Variants in TNFAIP8 observed in about 807,000 individuals in gnomAD.
TNFAIP8 encodes the protein TNF alpha induced protein 8, also known as tumor necrosis factor alpha-induced protein 8.
A neutral mutation model predicts 13.3 loss-of-function variants in TNFAIP8; 7 were observed. That is an observed-to-expected ratio of 0.52 (90% CI 0.30 to 0.99). The LOEUF is 0.99. TNFAIP8 is among the 50% of genes least tolerant of loss of function. The pLI is 0.07. For synonymous variants in TNFAIP8, 94 were observed against 87.6 expected, an observed-to-expected ratio of 1.07 and a Z score of -0.41; for missense variants, 258 against 236.9, an observed-to-expected ratio of 1.09 and a Z score of -0.58.
intron 1 of TNFAIP8, among the ~76,000 whole-genome samples, chr5:119,372,131 C>T (rs1275784540): frequency 1.4e-5 from 2 of 147,550 alleles, no homozygotes; most frequent in Non-Finnish European, 3.0e-5. Flanking sequence ...AGCAAGACTC[C>T]ATCTCAAAAA....
At position 119,396,740 on chromosome 5, in the gene TNFAIP8, C is replaced by T. The variant is rs1753081555; in HGVS notation, c.*3359C>T. Reference sequence around the variant, plus strand: ...GGGTGCGGTGGCTTATGCTTGTAAGCCCAGAACTTTGGGAGGCGGAGGTGG... The same window carrying T: ...GGGTGCGGTGGCTTATGCTTGTAAGTCCAGAACTTTGGGAGGCGGAGGTGG... On this transcript the variant is annotated 3_prime_UTR_variant, in exon 2 of 2. Transcript: ENST00000504771. 1 of 151,986 alleles carries T rather than the reference C, an allele frequency of 6.6e-6. No homozygotes were observed. The highest frequency in any genetic ancestry group is 2.1e-4 in the South Asian group (1 of 4,828). The allele number at this position is 151,986 out of a possible 1,614,324, so 9.4% of individuals were successfully genotyped here.
chr5:119,277,271 T>C (rs1307941890), intron 1 of TNFAIP8, among the ~76,000 whole-genome samples: 6 of 152,218 alleles, frequency 3.9e-5, no homozygotes, highest in Non-Finnish European at 7.3e-5. Flanking sequence ...CTATGTATAA[T>C]CCCTACAAAT....
intron 1 of TNFAIP8, among the ~76,000 whole-genome samples, chr5:119,282,773 G>T (rs1020751644): frequency 2.0e-5 from 3 of 152,166 alleles, no homozygotes; most frequent in African/African-American, 4.8e-5. Flanking sequence ...CACCTGCCCA[G>T]ACAGGCCCTT....
At chr5:119,284,239 C>T (rs542342809) in intron 1 of TNFAIP8, among the ~76,000 whole-genome samples, 17 of 152,266 alleles carry the variant, frequency 1.1e-4, no homozygotes, top group African/African-American at 4.1e-4. Context: ...GTTCCTCTTG[C>T]AGGAACTATG....
At chr5:119,324,932 G>A (rs967887184) in intron 1 of TNFAIP8, among the ~76,000 whole-genome samples, 3 of 152,056 alleles carry the variant, frequency 2.0e-5, no homozygotes, top group Non-Finnish European at 2.9e-5. Flanking sequence ...TGCAAGATCG[G>A]TTTTAAAGAT....
At chr5:119,338,969 C>G (rs1750646961) in intron 1 of TNFAIP8, among the ~76,000 whole-genome samples, 1 of 152,050 alleles carries the variant, frequency 6.6e-6, no homozygotes, top group Non-Finnish European at 1.5e-5. Flanking sequence ...ATGTCTTGAG[C>G]CCAGGAATTT....
chr5:119,291,236 T>A (rs1748977917), intron 1 of TNFAIP8, among the ~76,000 whole-genome samples: 1 of 152,246 alleles, frequency 6.6e-6, no homozygotes, highest in South Asian at 2.1e-4. Context: ...TAGGGCCATG[T>A]CTTTATCTGT....
At chr5:119,336,611 G>T (rs1750558680) in intron 1 of TNFAIP8, among the ~76,000 whole-genome samples, 1 of 152,136 alleles carries the variant, frequency 6.6e-6, no homozygotes, top group Non-Finnish European at 1.5e-5. Flanking sequence ...TTTTCCCAAT[G>T]GTATTCTGCC....
chr5:119,365,814 A>G (rs890041591), intron 1 of TNFAIP8, among the ~76,000 whole-genome samples: 23 of 152,254 alleles, frequency 1.5e-4, no homozygotes, highest in African/African-American at 5.3e-4. Context: ...ATTCGACTCA[A>G]CATCTTCAGA....
chr5:119,332,651 G>A (rs1004443741), intron 1 of TNFAIP8, among the ~76,000 whole-genome samples: 1 of 152,212 alleles, frequency 6.6e-6, no homozygotes, highest in Non-Finnish European at 1.5e-5. Context: ...GCTAAAGGAA[G>A]AGATTGAGAT....
chr5:119,353,623 G>A (rs1352732130), upstream of TNFAIP8, among the ~76,000 whole-genome samples: 2 of 143,402 alleles, frequency 1.4e-5, no homozygotes, highest in Non-Finnish European at 3.1e-5. Context: ...AAAGATCAAC[G>A]AAGCTAACAT....
intron 1 of TNFAIP8, among the ~76,000 whole-genome samples, chr5:119,342,372 T>C (rs1750765751): frequency 1.3e-5 from 2 of 152,212 alleles, no homozygotes; most frequent in South Asian, 4.1e-4. Context: ...CATGTCAGAG[T>C]CCACGAAAAT....
chr5:119,364,005 A>C (rs528081781), intron 1 of TNFAIP8, among the ~76,000 whole-genome samples: 1 of 152,334 alleles, frequency 6.6e-6, no homozygotes, highest in Non-Finnish European at 1.5e-5. Context: ...GTGTAGGACA[A>C]AATACAGTAG....
chr5:119,380,196 A>G (rs767594097), intron 1 of TNFAIP8, among the ~76,000 whole-genome samples: 4 of 152,230 alleles, frequency 2.6e-5, no homozygotes, highest in Non-Finnish European at 5.9e-5. Context: ...AATTCATTTA[A>G]AAGTGTTAGT....
intron 1 of TNFAIP8, among the ~76,000 whole-genome samples, chr5:119,269,882 A>G (rs148410669): frequency 5.9e-5 from 9 of 152,346 alleles, no homozygotes; most frequent in African/African-American, 1.9e-4. Flanking sequence ...TGGTATCATA[A>G]CAGCAGTATT....
chr5:119,280,404 T>A (rs929647304), intron 1 of TNFAIP8, among the ~76,000 whole-genome samples: 1 of 152,018 alleles, frequency 6.6e-6, no homozygotes, highest in African/African-American at 2.4e-5. Context: ...CCTTTAAATT[T>A]TTTTTTTTAA....
intron 1 of TNFAIP8, among the ~76,000 whole-genome samples, chr5:119,366,459 G>T (rs181584714): frequency 1.8e-4 from 27 of 152,330 alleles, no homozygotes; most frequent in African/African-American, 6.5e-4. Flanking sequence ...GGGCCAGTCG[G>T]AAGCCAGGGC....
chr5:119,275,655 C>T (rs543163432), intron 1 of TNFAIP8, among the ~76,000 whole-genome samples: 10 of 152,078 alleles, frequency 6.6e-5, no homozygotes, highest in African/African-American at 9.7e-5. Context: ...TCTGTAACTT[C>T]CTCCTGCTTC....
chr5:119,270,328 T>G (rs1748242665), intron 1 of TNFAIP8, among the ~76,000 whole-genome samples: 1 of 152,254 alleles, frequency 6.6e-6, no homozygotes, highest in South Asian at 2.1e-4. Context: ...TCCATCTCTC[T>G]TTAAGGAAAG....
Sources: gnomAD v4.1 joint callset for allele counts (sites outside exome capture counted in the v4.1 genomes callset) on GRCh38, gnomAD v4.1.1 for gene constraint, MANE v1.5 for transcripts, NCBI Gene and HGNC (gene_info 2026-07-23, HGNC 2026-07-21) for gene names.